SKA2: variants seen among roughly 807,000 people sequenced by gnomAD.
The protein encoded by SKA2 is spindle and kinetochore-associated protein 2.
In SKA2, 13 loss-of-function variants were observed where a neutral mutation model predicts 16.9. The ratio of observed to expected loss-of-function variants is 0.77; its 90% CI spans 0.50 to 1.22. The LOEUF (loss-of-function observed/expected upper bound fraction) is 1.22, where lower values mean the gene tolerates loss of function less well. Ranked by LOEUF, SKA2 falls within the 50% of genes most tolerant of loss-of-function variation. The pLI is 0.00. For missense variants in SKA2, 107 were observed against 139.7 expected, an observed-to-expected ratio of 0.77 and a Z score of 1.18; for synonymous variants, 47 against 48.5, an observed-to-expected ratio of 0.97 and a Z score of 0.13.
chr17:59,152,600 T>C (rs978659641), intron 1 of SKA2, among the ~76,000 whole-genome samples: 2 of 76,276 alleles, frequency 2.6e-5, no homozygotes, highest in African/African-American at 2.0e-4. Flanking sequence ...TGCATTTCCT[T>C]TTACCTTGAC....
chr17:59,151,645 C>T (rs866887333), intron 1 of SKA2: 7 of 163,820 alleles, frequency 4.3e-5, no homozygotes, highest in African/African-American at 1.7e-4. Flanking sequence ...AAAACAAGCC[C>T]TTTGAATAAA....
At chr17:59,154,978 C>T (rs762119090) in intron 1 of SKA2, 153 bp downstream of exon 1, 6 of 1,614,010 alleles carry the variant, frequency 3.7e-6, no homozygotes, top group East Asian at 2.2e-5. Flanking sequence ...AGACACCAGA[C>T]GGTGGCGGCT....
At chr17:59,141,462 A>G (rs532815261) in intron 1 of SKA2, among the ~76,000 whole-genome samples, 67 of 152,164 alleles carry the variant, frequency 4.4e-4, no homozygotes, top group Admixed American at 2.1e-3. Context: ...ACAGTGGCTC[A>G]GGCCTGTAAT....
chr17:59,125,208 T>C (rs1332104424), intron 2 of SKA2, among the ~76,000 whole-genome samples: 1 of 147,328 alleles, frequency 6.8e-6, no homozygotes, highest in African/African-American at 2.5e-5. Context: ...CAGGCTGGTC[T>C]TGAACTCCTG....
At chr17:59,135,834 AAT>A (rs960184976) in intron 1 of SKA2, among the ~76,000 whole-genome samples, 16 of 148,392 alleles carry the variant, frequency 1.1e-4, no homozygotes, top group Admixed American at 4.0e-4. Context: ...TATTTTAAAA[AAT>A]ATATTTTTAA....
chr17:59,140,772 G>T (rs527785754), intron 1 of SKA2, among the ~76,000 whole-genome samples: 1 of 131,622 alleles, frequency 7.6e-6, no homozygotes, highest in African/African-American at 3.2e-5. Flanking sequence ...CACCACACCC[G>T]CCTAATTTTT....
At chr17:59,148,652 T>A (rs2046552528) in intron 1 of SKA2, among the ~76,000 whole-genome samples, 1 of 151,400 alleles carries the variant, frequency 6.6e-6, no homozygotes, top group Non-Finnish European at 1.5e-5. Flanking sequence ...AAAAAAAATT[T>A]TTTTAATTAG....
At chr17:59,147,071 T>A (rs1474751482) in intron 1 of SKA2, among the ~76,000 whole-genome samples, 1 of 151,602 alleles carries the variant, frequency 6.6e-6, no homozygotes, top group Non-Finnish European at 1.5e-5. Context: ...GGCAGAAGAA[T>A]CGCTTGAACC....
chr17:59,147,040 C>G (rs1384498823), intron 1 of SKA2, among the ~76,000 whole-genome samples: 3 of 151,716 alleles, frequency 2.0e-5, no homozygotes, highest in Admixed American at 6.6e-5. Flanking sequence ...TGCCTGTAAC[C>G]CCAGCTACTA....
chr17:59,137,966 A>T (rs2046458807), intron 1 of SKA2: 1 of 335,836 alleles, frequency 3.0e-6, no homozygotes, highest in Non-Finnish European at 6.0e-6. Flanking sequence ...TGATTCTGAT[A>T]AACATCATTC....
chr17:59,133,131 G>A (rs1004816682), intron 1 of SKA2, among the ~76,000 whole-genome samples: 2 of 152,072 alleles, frequency 1.3e-5, no homozygotes, highest in African/African-American at 4.8e-5. Flanking sequence ...CACATGCCAT[G>A]GCACCCAGCT....
At chr17:59,125,684 CAA>C (rs201568121) in intron 2 of SKA2, among the ~76,000 whole-genome samples, 1,679 of 82,636 alleles carry the variant, frequency 0.02, 13 homozygotes, top group Admixed American at 0.028. Context: ...ACTCCGTCTC[CAA>C]AAAAAAAAAA....
intron 1 of SKA2, among the ~76,000 whole-genome samples, chr17:59,150,575 A>T (rs187007205): frequency 6.6e-5 from 10 of 152,278 alleles, no homozygotes; most frequent in Admixed American, 6.5e-4. Flanking sequence ...TGTCTCCACA[A>T]AAAATTTCAA....
intron 1 of SKA2, among the ~76,000 whole-genome samples, chr17:59,152,230 A>G (rs2046582782): frequency 6.6e-6 from 1 of 152,208 alleles, no homozygotes; most frequent in Non-Finnish European, 1.5e-5. Flanking sequence ...ATTGCCCTAC[A>G]ATAAGCTTAT....
At chr17:59,121,107 G>T (rs1355399629) in intron 2 of SKA2, among the ~76,000 whole-genome samples, 1 of 149,360 alleles carries the variant, frequency 6.7e-6, no homozygotes, top group Non-Finnish European at 1.5e-5. Context: ...AGCCGAGATC[G>T]TGCCACTGCA....
chr17:59,145,818 G>T (rs759956853), intron 1 of SKA2, among the ~76,000 whole-genome samples: 2 of 151,880 alleles, frequency 1.3e-5, no homozygotes, highest in Non-Finnish European at 2.9e-5. Context: ...GGGAAACCAC[G>T]CCTCTAAAAA....
intron 1 of SKA2, among the ~76,000 whole-genome samples, chr17:59,133,522 T>C (rs1258118137): frequency 6.6e-6 from 1 of 152,186 alleles, no homozygotes; most frequent in Non-Finnish European, 1.5e-5. Flanking sequence ...AGATTGATTC[T>C]CAAAATCCTG....
In SKA2 at chr17:59,138,722, G is replaced by A. The variant is rs150367000; in HGVS notation, c.34-7355C>T. Among the ~76,000 whole-genome samples the A allele has an allele frequency of 9.9e-5, 15 of 152,142 alleles. No individual in the cohort carries two copies. In the East Asian group the frequency reaches 1.8e-3, roughly 18 times the overall value. ...GCTGGGATTACAGGCATGAGCCACC[G>A]CGCCCAGCCTGTTCTAGTCTAGTTT... On this transcript the variant is annotated intron_variant, in intron 1 of 3. Transcript: ENST00000330137.
At chr17:59,125,740 T>C (rs2046368052) in intron 2 of SKA2, among the ~76,000 whole-genome samples, 1 of 150,736 alleles carries the variant, frequency 6.6e-6, no homozygotes, top group South Asian at 2.1e-4. Context: ...CTAATGATAG[T>C]GCTGGTGATG....
Sources: allele counts gnomAD v4.1 joint callset (sites outside exome capture counted in the v4.1 genomes callset), GRCh38; gene constraint gnomAD v4.1.1; transcripts MANE v1.5; gene names NCBI Gene and HGNC (gene_info 2026-07-23, HGNC 2026-07-21).